The following NRXN3 variants were observed in gnomAD, a reference collection of about 807,000 sequenced individuals.
NRXN3 encodes the protein neurexin 3, also known as neurexin III.
A neutral mutation model predicts 137.6 loss-of-function variants in NRXN3; 32 were observed. The ratio of observed to expected loss-of-function variants is 0.23; its 90% CI spans 0.18 to 0.31. The LOEUF is 0.31. NRXN3 is among the 10% of genes least tolerant of loss of function. The pLI is 1.00. For missense variants in NRXN3, 1,574 were observed against 2,062.5 expected, an observed-to-expected ratio of 0.76 and a Z score of 4.59; for synonymous variants, 798 against 784.5, an observed-to-expected ratio of 1.02 and a Z score of -0.29.
chr14:78,948,516 A>T (rs2099374381), intron 10 of NRXN3, among the ~76,000 whole-genome samples: 1 of 152,042 alleles, frequency 6.6e-6, no homozygotes, highest in Admixed American at 6.6e-5. Flanking sequence ...CTGAAATCTG[A>T]CATTGGCTGA....
At chr14:78,970,127 C>T (rs10483920) in intron 14 of NRXN3, among the ~76,000 whole-genome samples, 12,481 of 152,078 alleles carry the variant, frequency 0.082, 799 homozygotes, top group Admixed American at 0.11. Context: ...TATTAGAAAG[C>T]GTAAGATACT....
rs1229106899 is a variant in NRXN3 at position 78,484,027 on chromosome 14, C to CACACACAG, written c.758-161092_758-161091insCACACAGA. On this transcript the variant is annotated intron_variant, in intron 4 of 20. Coordinates refer to ENST00000335750, the MANE Select transcript of NRXN3 (RefSeq NM_001330195.2). ...ACACACACACACACACACACACACA[C>CACACACAG]AGAGAGAGAGAGAGAGAGAGAGCAA... Among the ~76,000 whole-genome samples, 394 of 137,066 alleles carry CACACACAG rather than the reference C, an allele frequency of 2.9e-3. 4 individuals are homozygous for CACACACAG. Among genetic ancestry groups the CACACACAG allele is most frequent in the African/African-American group, 0.011 (381 of 34,442 alleles). The allele number at this position is 137,066 out of a possible 152,430, so 89.9% of individuals were successfully genotyped here.
At chr14:79,142,889 G>A (rs1024557694) in intron 15 of NRXN3, among the ~76,000 whole-genome samples, 2 of 152,168 alleles carry the variant, frequency 1.3e-5, no homozygotes, top group Non-Finnish European at 2.9e-5. Flanking sequence ...ATAAGTGCAA[G>A]GGAGGAGGCA....
intron 8 of NRXN3, among the ~76,000 whole-genome samples, chr14:78,748,057 A>G (rs984276076): frequency 6.6e-6 from 1 of 152,178 alleles, no homozygotes; most frequent in African/African-American, 2.4e-5. Context: ...GGTATTATGT[A>G]TCTCGTCTTT....
chr14:79,370,562 C>T (rs754318402), intron 15 of NRXN3, among the ~76,000 whole-genome samples: 60 of 152,022 alleles, frequency 3.9e-4, no homozygotes, highest in Non-Finnish European at 1.9e-4. Flanking sequence ...AGGTGATCTG[C>T]CTGCCTCAGC....
intron 6 of NRXN3, among the ~76,000 whole-genome samples, chr14:78,699,432 T>C (rs2098258319): frequency 6.6e-6 from 1 of 152,224 alleles, no homozygotes; most frequent in South Asian, 2.1e-4. Flanking sequence ...CATTTAATTC[T>C]GAAGTTGATA....
chr14:79,415,654 T>C (rs1434873022), intron 15 of NRXN3, among the ~76,000 whole-genome samples: 1 of 152,138 alleles, frequency 6.6e-6, no homozygotes, highest in Non-Finnish European at 1.5e-5. Context: ...TGTATGCCTC[T>C]ATACACCCAT....
chr14:79,559,971 TTG>T (rs755065164), intron 16 of NRXN3, among the ~76,000 whole-genome samples: 5 of 150,440 alleles, frequency 3.3e-5, no homozygotes, highest in East Asian at 1.9e-4. Context: ...CTTGTACAAT[TTG>T]TGTGTGTGTG....
At chr14:79,745,962 G>A (rs2098978450) in intron 19 of NRXN3, among the ~76,000 whole-genome samples, 1 of 152,100 alleles carries the variant, frequency 6.6e-6, no homozygotes, top group Non-Finnish European at 1.5e-5. Context: ...CTCAACTCCA[G>A]TATGATCTCA....
intron 4 of NRXN3, among the ~76,000 whole-genome samples, chr14:78,355,796 C>T (rs928461612): frequency 3.9e-5 from 6 of 152,162 alleles, no homozygotes; most frequent in Admixed American, 6.5e-5. Flanking sequence ...TTTACGGATA[C>T]GTCATTTATC....
chr14:79,089,685 ATT>A (rs34684651), intron 15 of NRXN3, among the ~76,000 whole-genome samples: 1 of 151,644 alleles, frequency 6.6e-6, no homozygotes, highest in Non-Finnish European at 1.5e-5. Context: ...CTAAAATCAG[ATT>A]TTTTTTTTCC....
At chr14:79,474,217 G>C in intron 16 of NRXN3, among the ~76,000 whole-genome samples, 1 of 152,146 alleles carries the variant, frequency 6.6e-6, no homozygotes, top group Non-Finnish European at 1.5e-5. Context: ...TTATAAATGG[G>C]CATAAAATAT....
At chr14:79,801,482 G>A (rs1434419011) in intron 19 of NRXN3, among the ~76,000 whole-genome samples, 1 of 152,202 alleles carries the variant, frequency 6.6e-6, no homozygotes, top group Non-Finnish European at 1.5e-5. Flanking sequence ...AGAGGCTGAT[G>A]TTGATTAATT....
At chr14:78,819,370 A>G (rs1029840353) in intron 10 of NRXN3, among the ~76,000 whole-genome samples, 4 of 152,210 alleles carry the variant, frequency 2.6e-5, no homozygotes, top group African/African-American at 4.8e-5. Context: ...CAATATAACA[A>G]TAGAAAATAA....
intron 15 of NRXN3, among the ~76,000 whole-genome samples, chr14:79,079,983 A>C (rs2046654322): frequency 6.6e-6 from 1 of 152,122 alleles, no homozygotes; most frequent in South Asian, 2.1e-4. Context: ...GTGAGACTCC[A>C]TCTCAAAAGA....
intron 4 of NRXN3, among the ~76,000 whole-genome samples, chr14:78,573,276 G>C (rs1185138215): frequency 6.6e-6 from 1 of 152,172 alleles, no homozygotes; most frequent in Non-Finnish European, 1.5e-5. Context: ...ACAGAGAGTA[G>C]AGTTCTGCTA....
At chr14:79,395,737 A>T (rs568322254) in intron 15 of NRXN3, among the ~76,000 whole-genome samples, 1 of 151,194 alleles carries the variant, frequency 6.6e-6, no homozygotes, top group Admixed American at 6.6e-5. Context: ...TGAACCCGGG[A>T]GGCAGAGCTT....
At chr14:79,747,001 A>G (rs2098981746) in intron 19 of NRXN3, among the ~76,000 whole-genome samples, 1 of 152,080 alleles carries the variant, frequency 6.6e-6, no homozygotes, top group Non-Finnish European at 1.5e-5. Context: ...CTACACCTGT[A>G]TTTTCCTTCT....
intron 8 of NRXN3, among the ~76,000 whole-genome samples, chr14:78,785,803 T>C (rs1006432294): frequency 1.3e-5 from 2 of 152,192 alleles, no homozygotes; most frequent in Non-Finnish European, 2.9e-5. Context: ...CCATAGCATG[T>C]ACCTCCATGT....
Sources: allele counts gnomAD v4.1 joint callset (sites outside exome capture counted in the v4.1 genomes callset), GRCh38; gene constraint gnomAD v4.1.1; transcripts MANE v1.5; gene names NCBI Gene and HGNC (gene_info 2026-07-23, HGNC 2026-07-21).